TTC21A: variants seen among roughly 807,000 people sequenced by gnomAD.
TTC21A encodes the protein tetratricopeptide repeat domain 21A.
In TTC21A, 128 loss-of-function variants were observed where a neutral mutation model predicts 156.4. The observed-to-expected ratio is 0.82, with a 90% confidence interval of 0.71 to 0.95. The LOEUF is 0.95. Among genes scored for constraint, TTC21A ranks in the 40% least tolerant of loss-of-function variants. TTC21A has a pLI of 0.00. For missense variants in TTC21A, 1,435 were observed against 1,602.3 expected (o/e 0.90, Z 1.78); for synonymous variants, 587 against 617.1 (o/e 0.95, Z 0.72).
At chr3:39,109,760 G>A (rs575651199) in intron 2 of TTC21A, among the ~76,000 whole-genome samples, 10 of 152,278 alleles carry the variant, frequency 6.6e-5, no homozygotes, top group Admixed American at 4.6e-4. Flanking sequence ...CAGAACTGAC[G>A]CAGCTAATAA....
intron 1 of TTC21A, 59 bp from the exon 2 acceptor site, chr3:39,109,026 G>C: frequency 2.5e-6 from 4 of 1,585,574 alleles, no homozygotes; most frequent in Non-Finnish European, 3.5e-6. Context: ...ATCCCATCTG[G>C]GACAGAACAG....
In TTC21A at chr3:39,130,429, A is replaced by G. The variant is rs947306426; in HGVS notation, c.2319+71A>G. On this transcript the variant is annotated intron_variant, in intron 17 of 28. Coordinates refer to ENST00000683103, the MANE Select transcript of TTC21A (RefSeq NM_001366900.1). This position sits in a 1 kb window ranked among gnomAD's most constrained non-coding sequence, Gnocchi z 4.5. ...CAGGGAAGGAGGAGGACGGTACATG[A>G]CTGGGGAGCTCTGGGTGGGAGGAGA... The G allele has an allele frequency of 3.9e-6, 5 of 1,281,514 alleles. No homozygotes were observed. In the African/African-American group the frequency reaches 7.4e-5, roughly 19 times the overall value. 79.4% of individuals were successfully genotyped at this position (1,281,514 alleles called of 1,614,324 possible).
chr3:39,114,863 T>C (rs2037145061), intron 6 of TTC21A, 121 bp downstream of exon 6: 2 of 1,143,880 alleles, frequency 1.7e-6, no homozygotes, highest in African/African-American at 1.5e-5. Flanking sequence ...CTGGGAATTG[T>C]GCTATGGCCA....
At chr3:39,138,531 T>C in intron 27 of TTC21A, 25 bp from the exon 28 acceptor site, 1 of 1,614,132 alleles carries the variant, frequency 6.2e-7, no homozygotes, top group East Asian at 2.2e-5. Flanking sequence ...GGTGCCACCA[T>C]CTTTGCTCTC....
intron 19 of TTC21A, among the ~76,000 whole-genome samples, chr3:39,132,008 A>G (rs768931767): frequency 4.6e-5 from 7 of 152,252 alleles, no homozygotes; most frequent in Non-Finnish European, 8.8e-5. Context: ...TTGTGTGAAC[A>G]TCATAGAATG....
intron 5 of TTC21A, among the ~76,000 whole-genome samples, chr3:39,113,467 G>GA (rs1290782293): frequency 2.6e-5 from 4 of 152,216 alleles, no homozygotes; most frequent in African/African-American, 9.6e-5. Flanking sequence ...TCAGTGCCTT[G>GA]ACACTGGAGG....
chr3:39,126,663 G>A (rs1185830746), intron 12 of TTC21A, among the ~76,000 whole-genome samples: 1 of 148,822 alleles, frequency 6.7e-6, no homozygotes, highest in African/African-American at 2.5e-5. Flanking sequence ...ATGCACACAC[G>A]TGCACACACA....
At chr3:39,132,790 G>A (rs2038830052) in intron 19 of TTC21A, 1 of 529,732 alleles carries the variant, frequency 1.9e-6, no homozygotes, top group African/African-American at 1.9e-5. Context: ...CTCAAGGTGT[G>A]ATGGAAGCAG....
Position 39,137,391 on chromosome 3 carries a change from T to G in TTC21A, c.3450+4T>G, listed in dbSNP as rs2039210267. ...CATCCAGATAGCGCAGGCTGAGGTG[T>G]GGCTGGTGGGGACTGGCGGGCATGG... On this transcript the variant is annotated splice_donor_region_variant and intron_variant, in intron 25 of 28. Coordinates refer to ENST00000683103, the MANE Select transcript of TTC21A (RefSeq NM_001366900.1). 6.2e-7 allele frequency: 1 copy of G among 1,611,854 alleles called. No homozygotes were observed. Among genetic ancestry groups the G allele is most frequent in the Non-Finnish European group, 8.5e-7 (1 of 1,178,640 alleles).
intron 11 of TTC21A, 22 bp from the exon 12 acceptor site, chr3:39,126,239 C>T: frequency 6.2e-7 from 1 of 1,613,794 alleles, no homozygotes; most frequent in Non-Finnish European, 8.5e-7. Context: ...CTACTCCCAC[C>T]TCCACCGCCG....
chr3:39,128,993 C>G, intron 14 of TTC21A, 61 bp downstream of exon 14: 1 of 1,606,978 alleles, frequency 6.2e-7, no homozygotes, highest in Non-Finnish European at 8.5e-7. Flanking sequence ...CAGGGTAGGC[C>G]CAGGAACCAG....
chr3:39,114,765 A>G, intron 6 of TTC21A, 23 bp downstream of exon 6: 1 of 1,614,006 alleles, frequency 6.2e-7, no homozygotes, highest in Non-Finnish European at 8.5e-7. Context: ...ACAAATGGGC[A>G]GCCAAGGGTG....
chr3:39,107,731 T>C lies in TTC21A; in HGVS notation c.-107T>C. ...CTAGCAGCTCGGTTTCCAAGGACTG[T>C]AACGCCTTCAACCGCCCGCCGCGAT... On this transcript the variant is annotated 5_prime_UTR_variant, in exon 1 of 29. Coordinates refer to ENST00000683103, the MANE Select transcript of TTC21A (RefSeq NM_001366900.1). 6.6e-7 allele frequency: 1 copy of C among 1,522,012 alleles called. No homozygotes were observed. The highest frequency in any genetic ancestry group is 9.0e-7 in the Non-Finnish European group (1 of 1,106,148). The allele number at this position is 1,522,012 out of a possible 1,614,324, so 94.3% of individuals were successfully genotyped here.
rs1491529137 is a variant in TTC21A at position 39,126,520 on chromosome 3, A to ACACACACACACT, written c.1522+131_1522+132insACACACACACTC. 42 of 821,724 alleles carry ACACACACACACT rather than the reference A, an allele frequency of 5.1e-5. No homozygotes were observed. The African/African-American group carries it at 8.8e-4, about 17-fold the overall frequency. The allele number at this position is 821,724 out of a possible 1,614,324, so 50.9% of individuals were successfully genotyped here. A position where few individuals can be genotyped will look rare whatever the true frequency, so the allele number is the denominator to read the frequency against. On this transcript the variant is annotated intron_variant, in intron 12 of 28. Coordinates refer to ENST00000683103, the MANE Select transcript of TTC21A (RefSeq NM_001366900.1). ...CACACACACACACACACACACACACACTCTCCTTGCCTGGGGTACTACGCA... is the reference window on the plus strand; with the variant it reads ...CACACACACACACACACACACACACACACACACACACTCTCTCCTTGCCTGGGGTACTACGCA...
chr3:39,136,630 A>C (rs2039135317), intron 23 of TTC21A, 123 bp downstream of exon 23: 1 of 1,266,946 alleles, frequency 7.9e-7, no homozygotes, highest in African/African-American at 1.5e-5. Context: ...CGGACCCAGC[A>C]AGTGAGGGCC....
In TTC21A at chr3:39,125,419, C is replaced by T; in HGVS notation, c.1279C>T (p.Leu427Phe). ...TTALLKEAVELHFSSMQGIPL... is the reference protein window; with the variant it reads ...TTALLKEAVEFHFSSMQGIPL... ...AGCGCTCCTGAAGGAGGCAGTGGAG[C>T]TTCACTTCTCCAGCATGCAAGGCAT... Residue 427 changes from leucine to phenylalanine, a missense_variant, in exon 11 of 29, where the codon CTT (leucine) becomes TTT (phenylalanine). Leu to Phe is a conservative substitution (Grantham distance 22). Transcript: ENST00000683103. 6.2e-7 allele frequency: 1 copy of T among 1,614,068 alleles called. No individual in the cohort carries two copies. Among genetic ancestry groups the T allele is most frequent in the South Asian group, 1.1e-5 (1 of 91,088 alleles).
chr3:39,135,197 C>A, intron 22 of TTC21A, 23 bp downstream of exon 22: 1 of 1,601,504 alleles, frequency 6.2e-7, no homozygotes, highest in Non-Finnish European at 8.6e-7. Flanking sequence ...ATGGAGACTG[C>A]CTGTACCAGT....
chr3:39,129,950 T>C (rs573027125), intron 15 of TTC21A, 129 bp from the exon 16 acceptor site: 4 of 1,006,428 alleles, frequency 4.0e-6, no homozygotes, highest in African/African-American at 3.2e-5. Context: ...CAGTGGACTT[T>C]CTATAAATAT....
Position 39,138,333 on chromosome 3 carries a change from G to A in TTC21A, c.3742G>A (p.Val1248Ile), listed in dbSNP as rs772547002. The A allele has an allele frequency of 2.0e-5, 32 of 1,614,182 alleles. No individual in the cohort carries two copies. The highest frequency in any genetic ancestry group is 2.7e-5 in the Non-Finnish European group (32 of 1,180,016). The change falls in exon 27 of 29, where the codon GTC (valine) becomes ATC (isoleucine). Residue 1248 changes from valine (V) to isoleucine (I), a missense_variant. Val to Ile is a conservative substitution (Grantham distance 29). Coordinates refer to ENST00000683103, the MANE Select transcript of TTC21A (RefSeq NM_001366900.1). ...GAAGGAGCAGTCCTACAAGGATGCAGTCACCAACTACAAACTGGCCTGGAA... is the reference window on the plus strand; with the variant it reads ...GAAGGAGCAGTCCTACAAGGATGCAATCACCAACTACAAACTGGCCTGGAA... ...MEKEQSYKDA[V>I]TNYKLAWKYS...
Sources: allele counts gnomAD v4.1 joint callset (sites outside exome capture counted in the v4.1 genomes callset), GRCh38; gene constraint gnomAD v4.1.1; non-coding constraint Gnocchi (gnomAD v3.1); transcripts MANE v1.5; gene names NCBI Gene and HGNC (gene_info 2026-07-23, HGNC 2026-07-21).